GNB1: variants seen among roughly 807,000 people sequenced by gnomAD.
GNB1 encodes the protein G protein subunit beta 1.
Under a neutral mutation model 42.9 loss-of-function variants are expected in GNB1, and 2 were observed. That is an observed-to-expected ratio of 0.05 (90% CI 0.02 to 0.15). The LOEUF (loss-of-function observed/expected upper bound fraction) is 0.15. GNB1 is among the 10% of genes least tolerant of loss of function. The pLI, the probability that GNB1 is intolerant of heterozygous loss-of-function variation, is 1.00. For missense variants in GNB1, 193 were observed against 462.2 expected, an observed-to-expected ratio of 0.42 and a Z score of 5.34; for synonymous variants, 183 against 174.7, an observed-to-expected ratio of 1.05 and a Z score of -0.38.
Position 1,844,137 on chromosome 1 carries a change from G to A in GNB1, c.-95-4899C>T, listed in dbSNP as rs922646153. Among the ~76,000 whole-genome samples, 9 of 151,964 alleles carry A rather than the reference G, an allele frequency of 5.9e-5. 1 individual carries two copies. The East Asian group carries it at 1.7e-3, about 29-fold the overall frequency. On this transcript the variant is annotated intron_variant, in intron 1 of 11. Coordinates refer to ENST00000378609, the MANE Select transcript of GNB1 (RefSeq NM_002074.5). The stretch of plus-strand genomic sequence containing the variant: ...GTGACCTCGGGAGGCAGAGCTTGCA[G>A]TGAGCTGAGATTGCGTCACTGCACT...
intron 2 of GNB1, among the ~76,000 whole-genome samples, chr1:1,828,947 C>T (rs1440712771): frequency 6.6e-6 from 1 of 152,094 alleles, no homozygotes; most frequent in African/African-American, 2.4e-5. Context: ...ATTTCCTGGT[C>T]AGGCCCTCTT....
At chr1:1,824,334 C>G (rs1646968976) in intron 3 of GNB1, among the ~76,000 whole-genome samples, 1 of 152,122 alleles carries the variant, frequency 6.6e-6, no homozygotes, top group African/African-American at 2.4e-5. Flanking sequence ...TACTGCTCCT[C>G]CCTTTTCAGA....
chr1:1,874,134 C>A (rs2101807915), intron 1 of GNB1, among the ~76,000 whole-genome samples: 1 of 152,310 alleles, frequency 6.6e-6, no homozygotes, highest in East Asian at 1.9e-4. Context: ...GAGGACAACA[C>A]TCTTCAGTTC....
chr1:1,857,071 C>G lies in GNB1; in HGVS notation c.-95-17833G>C, dbSNP rs142381521. ...CAAAATCCTGCTGATTAATGAGAAG[C>G]CTTAATGGGAAATTTGGTATTAACT... On this transcript the variant is annotated intron_variant, in intron 1 of 11. Transcript: ENST00000378609. Among the ~76,000 whole-genome samples, 167 of 152,238 alleles carry G rather than the reference C, an allele frequency of 1.1e-3. 2 individuals are homozygous for G. Among genetic ancestry groups the G allele is most frequent in the African/African-American group, 3.6e-3 (150 of 41,528 alleles).
At chr1:1,814,514 G>A (rs1646823923) in intron 5 of GNB1, among the ~76,000 whole-genome samples, 1 of 152,124 alleles carries the variant, frequency 6.6e-6, no homozygotes, top group Admixed American at 6.5e-5. Flanking sequence ...ACAAGAAATA[G>A]GCTAGAAGTG....
At chr1:1,803,113 G>A (rs979733936) in intron 7 of GNB1, among the ~76,000 whole-genome samples, 30 of 152,168 alleles carry the variant, frequency 2.0e-4, no homozygotes, top group African/African-American at 7.0e-4. Context: ...TGAAGTGGGC[G>A]GAGTGTTATC....
intron 1 of GNB1, among the ~76,000 whole-genome samples, chr1:1,885,614 T>C (rs561667635): frequency 6.8e-4 from 95 of 139,444 alleles, no homozygotes; most frequent in African/African-American, 2.5e-3. Context: ...TGGAGTGCAG[T>C]AGCACGATCT....
At chr1:1,878,300 C>T (rs1415856290) in intron 1 of GNB1, among the ~76,000 whole-genome samples, 1 of 152,164 alleles carries the variant, frequency 6.6e-6, no homozygotes, top group Non-Finnish European at 1.5e-5. Flanking sequence ...GACTGGAAGG[C>T]TAAGGTTGTA....
At chr1:1,817,380 T>C (rs1170614306) in intron 4 of GNB1, among the ~76,000 whole-genome samples, 3 of 152,206 alleles carry the variant, frequency 2.0e-5, no homozygotes, top group Admixed American at 1.3e-4. Flanking sequence ...ATTTTGGCTA[T>C]TGTGAATGGT....
intron 1 of GNB1, among the ~76,000 whole-genome samples, chr1:1,855,321 C>CAAAA (rs371204734): frequency 1.0e-5 from 1 of 99,590 alleles, no homozygotes; most frequent in Admixed American, 1.1e-4. Flanking sequence ...GACACTGTGT[C>CAAAA]AAAAAAAAAA....
intron 8 of GNB1, among the ~76,000 whole-genome samples, chr1:1,791,347 G>A (rs1003315704): frequency 7.9e-5 from 12 of 151,998 alleles, no homozygotes; most frequent in African/African-American, 2.9e-4. Flanking sequence ...AATTTTGTTT[G>A]TATTTTTAGT....
intron 1 of GNB1, among the ~76,000 whole-genome samples, chr1:1,880,153 A>AGCCTC (rs1279410911): frequency 2.6e-5 from 4 of 152,120 alleles, no homozygotes; most frequent in African/African-American, 7.2e-5. Context: ...GGCTGGTCTC[A>AGCCTC]AAATCTCAGC....
At chr1:1,890,728 C>A (rs1472694384) in intron 1 of GNB1, 92 bp downstream of exon 1, 1 of 148,312 alleles carries the variant, frequency 6.7e-6, no homozygotes, top group Non-Finnish European at 1.5e-5. Flanking sequence ...CGGCCCCGAC[C>A]GGCGGGTGGG....
At chr1:1,791,438 G>A (rs1646480329) in intron 8 of GNB1, among the ~76,000 whole-genome samples, 1 of 152,136 alleles carries the variant, frequency 6.6e-6, no homozygotes. Flanking sequence ...GCCTCCCAAA[G>A]TGCTGGGATT....
intron 1 of GNB1, among the ~76,000 whole-genome samples, chr1:1,869,711 C>G (rs986691958): frequency 1.3e-5 from 2 of 152,110 alleles, no homozygotes; most frequent in African/African-American, 4.8e-5. Context: ...CCTCCCAACC[C>G]CGAAAGAAAG....
At position 1,815,103 on chromosome 1, in the gene GNB1, C is replaced by T. The variant is rs1646834660; in HGVS notation, c.203+653G>A. On this transcript the variant is annotated intron_variant, in intron 5 of 11. Coordinates refer to ENST00000378609, the MANE Select transcript of GNB1 (RefSeq NM_002074.5). ...CTCCAGGCTGGGCAACACAGTGAGA[C>T]TCCGTCTTTAAAAAAAAAAAAAAAA... 2.7e-5 allele frequency among the ~76,000 whole-genome samples: 4 copies of T among 147,380 alleles called. 1 individual carries two copies. In the South Asian group the frequency reaches 8.6e-4, roughly 32 times the overall value.
chr1:1,823,437 G>A (rs893758529), intron 3 of GNB1, among the ~76,000 whole-genome samples: 2 of 151,928 alleles, frequency 1.3e-5, no homozygotes, highest in Non-Finnish European at 2.9e-5. Context: ...AGAAGCTTAA[G>A]TATTAAGTCA....
At chr1:1,847,441 T>C (rs945166187) in intron 1 of GNB1, among the ~76,000 whole-genome samples, 1 of 152,216 alleles carries the variant, frequency 6.6e-6, no homozygotes, top group South Asian at 2.1e-4. Flanking sequence ...AGTTCAATAC[T>C]GACGGCAATG....
Position 1,827,349 on chromosome 1 carries a change from G to A in GNB1, c.-46-1850C>T, listed in dbSNP as rs566482639. 2.6e-5 allele frequency among the ~76,000 whole-genome samples: 4 copies of A among 152,342 alleles called. No individual in the cohort carries two copies. The South Asian group carries it at 6.2e-4, about 24-fold the overall frequency. ...GCTCTCTGGGGAGGCAGGCTGCACA[G>A]CAACACGGTGTCAGAAAGATTTCTG... On this transcript the variant is annotated intron_variant, in intron 2 of 11. Transcript: ENST00000378609.
Sources: allele counts gnomAD v4.1 joint callset (sites outside exome capture counted in the v4.1 genomes callset), GRCh38; gene constraint gnomAD v4.1.1; transcripts MANE v1.5; gene names NCBI Gene and HGNC (gene_info 2026-07-23, HGNC 2026-07-21).